Variants in ANAPC10 observed in about 807,000 individuals in gnomAD.
ANAPC10 encodes anaphase promoting complex subunit 10, also known as anaphase-promoting complex subunit 10.
A neutral mutation model predicts 22.0 loss-of-function variants in ANAPC10; 12 were observed. The ratio of observed to expected loss-of-function variants is 0.55; its 90% CI spans 0.35 to 0.88. The LOEUF (loss-of-function observed/expected upper bound fraction) is 0.88, where lower values mean the gene tolerates loss of function less well. Among genes scored for constraint, ANAPC10 ranks in the 40% least tolerant of loss-of-function variants. The pLI is 0.01. For missense variants in ANAPC10, 188 were observed against 220.9 expected (o/e 0.85, Z 0.94); for synonymous variants, 65 against 69.5 (o/e 0.94, Z 0.32).
intron 4 of ANAPC10, among the ~76,000 whole-genome samples, chr4:144,999,778 C>A (rs1234252872): frequency 6.6e-6 from 1 of 152,148 alleles, no homozygotes; most frequent in Non-Finnish European, 1.5e-5. Context: ...AAGTTGGAGG[C>A]ATCATGCTAC....
intron 4 of ANAPC10, among the ~76,000 whole-genome samples, chr4:145,024,127 G>C (rs1467510576): frequency 6.6e-6 from 1 of 152,142 alleles, no homozygotes; most frequent in African/African-American, 2.4e-5. Flanking sequence ...TTATCCATGA[G>C]ACTGCAGCAA....
chr4:145,030,980 G>C (rs868326484), intron 4 of ANAPC10, among the ~76,000 whole-genome samples: 1 of 152,188 alleles, frequency 6.6e-6, no homozygotes, highest in East Asian at 1.9e-4. Context: ...TGCAGCTGCT[G>C]TACCAGATGT....
chr4:145,089,250 T>C (rs1747327927), intron 2 of ANAPC10, among the ~76,000 whole-genome samples: 1 of 152,122 alleles, frequency 6.6e-6, no homozygotes, highest in Non-Finnish European at 1.5e-5. Flanking sequence ...ATTTTTATTT[T>C]AAGAAAAACA....
At chr4:145,050,227 C>T (rs1740899816) in intron 4 of ANAPC10, among the ~76,000 whole-genome samples, 1 of 152,174 alleles carries the variant, frequency 6.6e-6, no homozygotes, top group Non-Finnish European at 1.5e-5. Flanking sequence ...TCCATCAAAG[C>T]TCTTGGGTGA....
At chr4:145,085,752 C>T (rs1461585386) in intron 2 of ANAPC10, among the ~76,000 whole-genome samples, 1 of 152,106 alleles carries the variant, frequency 6.6e-6, no homozygotes, top group East Asian at 1.9e-4. Context: ...CCAACTTTTG[C>T]TTCTTCAATA....
intron 4 of ANAPC10, among the ~76,000 whole-genome samples, chr4:145,019,319 G>A (rs993491051): frequency 1.3e-5 from 2 of 152,070 alleles, no homozygotes; most frequent in Non-Finnish European, 2.9e-5. Flanking sequence ...GCAAATACAT[G>A]GAAATTAAAT....
At chr4:145,016,868 G>A (rs1735248134) in intron 4 of ANAPC10, among the ~76,000 whole-genome samples, 2 of 152,062 alleles carry the variant, frequency 1.3e-5, no homozygotes, top group Non-Finnish European at 2.9e-5. Flanking sequence ...CAAGAAATGG[G>A]GAAAGGATTC....
chr4:145,039,447 A>C (rs554442346), intron 4 of ANAPC10, among the ~76,000 whole-genome samples: 30 of 152,368 alleles, frequency 2.0e-4, no homozygotes, highest in African/African-American at 7.2e-4. Flanking sequence ...ACTCCATTCA[A>C]GTTTTCTTGC....
chr4:145,025,773 G>A (rs962122079), intron 4 of ANAPC10, among the ~76,000 whole-genome samples: 5 of 152,210 alleles, frequency 3.3e-5, no homozygotes, highest in African/African-American at 1.2e-4. Context: ...TCAATGCAGA[G>A]TTGCCACAAA....
chr4:145,092,730 G>A (rs1747877636), intron 2 of ANAPC10, among the ~76,000 whole-genome samples: 1 of 152,128 alleles, frequency 6.6e-6, no homozygotes, highest in Non-Finnish European at 1.5e-5. Context: ...CTGACCACCA[G>A]TGAAGGAAAG....
chr4:145,018,272 A>G (rs561419185), intron 4 of ANAPC10, among the ~76,000 whole-genome samples: 13 of 152,208 alleles, frequency 8.5e-5, no homozygotes, highest in African/African-American at 3.1e-4. Flanking sequence ...TCACATCTCA[A>G]TACTAACATT....
intron 2 of ANAPC10, among the ~76,000 whole-genome samples, chr4:145,085,300 T>G (rs1417197367): frequency 2.6e-5 from 4 of 152,146 alleles, no homozygotes; most frequent in Non-Finnish European, 5.9e-5. Context: ...ACCTCCAATA[T>G]AAAGAGTTAT....
At chr4:145,076,670 C>T (rs1201402479) in intron 3 of ANAPC10, among the ~76,000 whole-genome samples, 1 of 152,148 alleles carries the variant, frequency 6.6e-6, no homozygotes, top group African/African-American at 2.4e-5. Context: ...CATTAAGATG[C>T]AGATGGAAGT....
intron 4 of ANAPC10, among the ~76,000 whole-genome samples, chr4:145,045,880 A>G (rs1242111633): frequency 2.0e-5 from 3 of 152,130 alleles, no homozygotes; most frequent in South Asian, 2.1e-4. Flanking sequence ...AATAAGTTGA[A>G]TAACTTTTTC....
At chr4:145,035,165 AC>A (rs574543126) in intron 4 of ANAPC10, 1 of 152,204 alleles carries the variant, frequency 6.6e-6, no homozygotes, top group Non-Finnish European at 1.5e-5. Flanking sequence ...GACATCTGTC[AC>A]CCCACTAATC....
chr4:145,095,242 T>A (rs957162254), intron 2 of ANAPC10, among the ~76,000 whole-genome samples: 4 of 152,242 alleles, frequency 2.6e-5, no homozygotes, highest in African/African-American at 9.6e-5. Flanking sequence ...TGGTCAATCA[T>A]GGTTCAAAAT....
At chr4:145,016,235 C>A (rs1323911023) in intron 4 of ANAPC10, among the ~76,000 whole-genome samples, 1 of 152,130 alleles carries the variant, frequency 6.6e-6, no homozygotes, top group Non-Finnish European at 1.5e-5. Context: ...CGTCTCAGCC[C>A]AAAATCTCCT....
chr4:145,026,987 ATTTTTTTTTTTTTT>A (rs1186853327), intron 4 of ANAPC10, among the ~76,000 whole-genome samples: 26 of 15,358 alleles, frequency 1.7e-3, no homozygotes, highest in East Asian at 3.3e-3. Context: ...ATATATATAT[ATTTTTTTTTTTTTT>A]TTTTTTTTTT....
Position 144,999,856 on chromosome 4 carries a change from T to C in ANAPC10, c.328-4253A>G, listed in dbSNP as rs111925528. 2.8e-3 allele frequency among the ~76,000 whole-genome samples: 431 copies of C among 152,190 alleles called. 4 individuals are homozygous for C. The highest frequency in any genetic ancestry group is 7.5e-3 in the African/African-American group (313 of 41,488). Reference sequence around the variant, plus strand: ...CATGGTACTGATACCAAAACAGAGATATAGACCAATGCAACAGAACAGAGG... The same window carrying C: ...CATGGTACTGATACCAAAACAGAGACATAGACCAATGCAACAGAACAGAGG... On this transcript the variant is annotated intron_variant, in intron 4 of 4. Coordinates refer to ENST00000507656, the MANE Select transcript of ANAPC10 (RefSeq NM_001256706.2).
Sources: gnomAD v4.1 joint callset for allele counts (sites outside exome capture counted in the v4.1 genomes callset) on GRCh38, gnomAD v4.1.1 for gene constraint, MANE v1.5 for transcripts, NCBI Gene and HGNC (gene_info 2026-07-23, HGNC 2026-07-21) for gene names.